WWC1: variants seen among roughly 807,000 people sequenced by gnomAD.
WWC1 encodes WW and C2 domain containing 1.
WWC1 carries 55 observed loss-of-function variants against 138.4 expected under a neutral mutation model. That is an observed-to-expected ratio of 0.40 (90% CI 0.32 to 0.50). WWC1 has a LOEUF of 0.50. Among genes scored for constraint, WWC1 ranks in the 20% least tolerant of loss-of-function variants. The pLI is 0.72. For synonymous variants in WWC1, 524 were observed against 564.9 expected (o/e 0.93, Z 1.03); for missense variants, 1,226 against 1,420.4 (o/e 0.86, Z 2.20).
chr5:168,317,015 T>A (rs1287522293), intron 1 of WWC1, among the ~76,000 whole-genome samples: 1 of 152,196 alleles, frequency 6.6e-6, no homozygotes, highest in African/African-American at 2.4e-5. Flanking sequence ...TCTTGTTAGA[T>A]GCTGTGGAAA....
intron 1 of WWC1, among the ~76,000 whole-genome samples, chr5:168,293,458 T>A (rs1581834322): frequency 6.6e-6 from 1 of 152,056 alleles, no homozygotes; most frequent in East Asian, 1.9e-4. Flanking sequence ...GGAAAGAAAA[T>A]GAGAGTTGAG....
At chr5:168,401,588 A>C (rs1337933500) in intron 5 of WWC1, among the ~76,000 whole-genome samples, 1 of 152,204 alleles carries the variant, frequency 6.6e-6, no homozygotes, top group African/African-American at 2.4e-5. Flanking sequence ...GCCTGGGGTG[A>C]GCCACACAAA....
chr5:168,400,196 T>C (rs1483879886), intron 5 of WWC1, among the ~76,000 whole-genome samples: 1 of 152,180 alleles, frequency 6.6e-6, no homozygotes. Flanking sequence ...AACTTTTATT[T>C]GAAGTTCGGG....
intron 2 of WWC1, 102 bp from the exon 3 acceptor site, chr5:168,385,109 C>A: frequency 1.8e-6 from 2 of 1,109,984 alleles, no homozygotes; most frequent in Non-Finnish European, 2.6e-6. Flanking sequence ...TGTGATTTGT[C>A]TATGCATTTT....
chr5:168,444,255 T>C (rs1755038509), intron 16 of WWC1, among the ~76,000 whole-genome samples: 1 of 152,244 alleles, frequency 6.6e-6, no homozygotes, highest in Non-Finnish European at 1.5e-5. Flanking sequence ...CTATCTTCCA[T>C]CACGATGCTG....
At chr5:168,448,915 A>G (rs10063191) in intron 17 of WWC1, among the ~76,000 whole-genome samples, 122,026 of 151,868 alleles carry the variant, frequency 0.8, 49,560 homozygotes, top group African/African-American at 0.92. Context: ...CACCGCACCC[A>G]GCTATAAGAT....
chr5:168,434,372 G>C (rs56246224), intron 15 of WWC1, among the ~76,000 whole-genome samples: 22,924 of 151,790 alleles, frequency 0.15, 1,985 homozygotes, highest in African/African-American at 0.23. Flanking sequence ...GAGGAAAAAG[G>C]CCTGTCCTCT....
intron 9 of WWC1, among the ~76,000 whole-genome samples, chr5:168,420,968 G>A (rs115862722): frequency 0.014 from 2,088 of 152,240 alleles, 58 homozygotes; most frequent in African/African-American, 0.048. Flanking sequence ...CTAGCCAACT[G>A]CTGTCCATTA....
chr5:168,324,334 G>A (rs932474369), intron 1 of WWC1, among the ~76,000 whole-genome samples: 2 of 152,122 alleles, frequency 1.3e-5, no homozygotes, highest in African/African-American at 4.8e-5. Context: ...TCAGGAGGCC[G>A]AGGCAGGAGA....
chr5:168,338,423 T>TTG (rs767836262), intron 1 of WWC1, among the ~76,000 whole-genome samples: 4 of 148,964 alleles, frequency 2.7e-5, no homozygotes, highest in Admixed American at 1.3e-4. Flanking sequence ...TCTTTTTTTT[T>TTG]GGGGGGGGAT....
chr5:168,372,257 A>G (rs1776817651), intron 2 of WWC1, among the ~76,000 whole-genome samples: 1 of 143,746 alleles, frequency 7.0e-6, no homozygotes, highest in Non-Finnish European at 1.5e-5. Context: ...CCAGGGAGCA[A>G]TCCTCCAGCG....
intron 4 of WWC1, 35 bp downstream of exon 4, chr5:168,397,835 T>C (rs10064053): frequency 0.14 from 226,781 of 1,611,992 alleles, 16,902 homozygotes; most frequent in African/African-American, 0.24. Context: ...GTGCTAGTGA[T>C]TGGGGCCACT....
intron 6 of WWC1, among the ~76,000 whole-genome samples, chr5:168,407,870 T>G (rs917132002): frequency 2.7e-5 from 4 of 149,646 alleles, no homozygotes; most frequent in East Asian, 1.9e-4. Context: ...CTTCCCCCCT[T>G]TTTTTTTTAA....
intron 1 of WWC1, among the ~76,000 whole-genome samples, chr5:168,331,713 C>T (rs1437945826): frequency 1.3e-5 from 2 of 152,112 alleles, no homozygotes; most frequent in East Asian, 1.9e-4. Flanking sequence ...CATTGAAAAC[C>T]GTGGAAAAAC....
At chr5:168,384,733 T>TTTTTTTTG (rs1554101623) in intron 2 of WWC1, among the ~76,000 whole-genome samples, 1 of 144,534 alleles carries the variant, frequency 6.9e-6, no homozygotes, top group African/African-American at 2.6e-5. Flanking sequence ...TTTTTTTTTT[T>TTTTTTTTG]TTCAGACAGA....
At chr5:168,307,437 T>C (rs1471387248) in intron 1 of WWC1, among the ~76,000 whole-genome samples, 1 of 152,064 alleles carries the variant, frequency 6.6e-6, no homozygotes, top group Non-Finnish European at 1.5e-5. Context: ...GCTTGGTCTT[T>C]GCTTGTTCTA....
At chr5:168,366,802 C>CTTTTTTTTTTTT (rs202012790) in intron 1 of WWC1, among the ~76,000 whole-genome samples, 2 of 100,570 alleles carry the variant, frequency 2.0e-5, no homozygotes, top group African/African-American at 8.6e-5. Context: ...CTTTGAAACA[C>CTTTTTTTTTTTT]TTTTTTTTTT....
chr5:168,333,813 GC>G, intron 1 of WWC1, among the ~76,000 whole-genome samples: 1 of 152,100 alleles, frequency 6.6e-6, no homozygotes, highest in Middle Eastern at 3.4e-3. Context: ...TCCCTTACCA[GC>G]CCCCTCCCAC....
chr5:168,387,130 C>T (rs1242388741), intron 3 of WWC1, among the ~76,000 whole-genome samples: 1 of 152,168 alleles, frequency 6.6e-6, no homozygotes, highest in Non-Finnish European at 1.5e-5. Context: ...ACAATGTGCC[C>T]AGGGTCTTAC....
Sources: allele counts gnomAD v4.1 joint callset (sites outside exome capture counted in the v4.1 genomes callset), GRCh38; gene constraint gnomAD v4.1.1; transcripts MANE v1.5; gene names NCBI Gene and HGNC (gene_info 2026-07-23, HGNC 2026-07-21).